Variants in PPFIA2 observed in about 807,000 individuals in gnomAD.
The protein encoded by PPFIA2 is PPFI scaffold protein A2.
PPFIA2 carries 46 observed loss-of-function variants against 175.5 expected under a neutral mutation model. The ratio of observed to expected loss-of-function variants is 0.26; its 90% confidence interval spans 0.21 to 0.34. The LOEUF is 0.34. Among genes scored for constraint, PPFIA2 ranks in the 10% least tolerant of loss-of-function variants. PPFIA2 has a pLI of 1.00. For synonymous variants in PPFIA2, 568 were observed against 511.4 expected, an observed-to-expected ratio of 1.11 and a Z score of -1.49; for missense variants, 1,179 against 1,506.1, an observed-to-expected ratio of 0.78 and a Z score of 3.60.
At chr12:81,388,094 AATG>A (rs1361789238) in intron 8 of PPFIA2, among the ~76,000 whole-genome samples, 2 of 152,300 alleles carry the variant, frequency 1.3e-5, no homozygotes, top group East Asian at 3.9e-4. Flanking sequence ...TCAGATATGG[AATG>A]ATATCTTCAA....
chr12:81,576,245 G>T (rs991519802), intron 4 of PPFIA2, among the ~76,000 whole-genome samples: 5 of 151,716 alleles, frequency 3.3e-5, no homozygotes, highest in African/African-American at 1.2e-4. Flanking sequence ...GATGTCTTGA[G>T]AAAATGACTT....
chr12:81,669,954 G>A (rs992641632), intron 4 of PPFIA2, among the ~76,000 whole-genome samples: 1 of 151,962 alleles, frequency 6.6e-6, no homozygotes, highest in Admixed American at 6.6e-5. Context: ...GGACAGATGA[G>A]AAAGAATGGT....
chr12:81,700,072 T>C (rs1042857493), intron 3 of PPFIA2, among the ~76,000 whole-genome samples: 2 of 152,042 alleles, frequency 1.3e-5, no homozygotes, highest in African/African-American at 2.4e-5. Flanking sequence ...TTTGTCTTCA[T>C]ACTGCTTCAT....
rs182089442 is a variant in PPFIA2, at chr12:81,359,722, A to C, written c.1638-1505T>G. Among the ~76,000 whole-genome samples, 392 of 152,002 alleles carry C rather than the reference A, an allele frequency of 2.6e-3. 1 individual carries two copies. Among genetic ancestry groups the C allele is most frequent in the African/African-American group, 9.1e-3 (378 of 41,538 alleles). ...TTACCTTAATGTCCCTTTAGGCATC[A>C]GGGTGAAGTTTCTAACATTATAACT... On this transcript the variant is annotated intron_variant, in intron 15 of 32. Coordinates refer to ENST00000549396, the MANE Select transcript of PPFIA2 (RefSeq NM_003625.5).
Position 81,642,702 on chromosome 12 carries a change from A to ATATATTATATACATACAT in PPFIA2, c.303+34088_303+34089insATGTATGTATATAATATA, listed in dbSNP as rs2065249953. 9.5e-4 allele frequency among the ~76,000 whole-genome samples: 7 copies of ATATATTATATACATACAT among 7,396 alleles called. 3 individuals are homozygous for ATATATTATATACATACAT. The highest frequency in any genetic ancestry group is 2.6e-3 in the Non-Finnish European group (7 of 2,684). The allele number at this position is 7,396 out of a possible 152,430, so 4.9% of individuals were successfully genotyped here. A position where few individuals can be genotyped will look rare whatever the true frequency, so the allele number is the denominator to read the frequency against. ...ATGTATCTATTATATACATACATGTATATGTATGTATGTATTATATACATA... is the reference window on the plus strand; with the variant it reads ...ATGTATCTATTATATACATACATGTATATATTATATACATACATTATGTATGTATGTATTATATACATA... On this transcript the variant is annotated intron_variant, in intron 4 of 32. Coordinates refer to ENST00000549396, the MANE Select transcript of PPFIA2 (RefSeq NM_003625.5).
intron 4 of PPFIA2, among the ~76,000 whole-genome samples, chr12:81,580,775 A>G (rs1055220519): frequency 2.0e-5 from 3 of 151,798 alleles, no homozygotes; most frequent in Non-Finnish European, 2.9e-5. Context: ...AGCTTGGTAC[A>G]ACATGTGCTT....
intron 4 of PPFIA2, among the ~76,000 whole-genome samples, chr12:81,633,495 C>G (rs1164459165): frequency 6.6e-6 from 1 of 151,680 alleles, no homozygotes; most frequent in East Asian, 1.9e-4. Flanking sequence ...ACCTGGGGAC[C>G]CAGGCAAGAC....
At chr12:81,268,132 CTTTTTTTTTTTT>C (rs746893824) in intron 28 of PPFIA2, 45 bp from the exon 29 acceptor site, 54 of 637,980 alleles carry the variant, frequency 8.5e-5, no homozygotes, top group East Asian at 2.6e-4. Flanking sequence ...ATTTTTCTTT[CTTTTTTTTTTTT>C]TTTTTTTTTT....
At position 81,694,351 on chromosome 12, in the gene PPFIA2, CACT is replaced by C. The variant is rs531743050; in HGVS notation, c.250-17510_250-17508del. On this transcript the variant is annotated intron_variant, in intron 3 of 32. Coordinates refer to ENST00000549396, the MANE Select transcript of PPFIA2 (RefSeq NM_003625.5). ...TTTCATGGGCCAGACCTGGGGCCAC[CACT>C]GTCCTGTGCAGCCTTCTTGGCATCC... 4.6e-3 allele frequency among the ~76,000 whole-genome samples: 693 copies of C among 152,264 alleles called. 4 individuals carry two copies. Among genetic ancestry groups the C allele is most frequent in the Admixed American group, 9.4e-3 (143 of 15,286 alleles).
At chr12:81,341,666 C>A (rs1459020841) in intron 19 of PPFIA2, among the ~76,000 whole-genome samples, 1 of 152,068 alleles carries the variant, frequency 6.6e-6, no homozygotes. Flanking sequence ...CCCAGGGAAG[C>A]CAAAAGATTA....
At chr12:81,714,205 G>A (rs2078298329) in intron 3 of PPFIA2, among the ~76,000 whole-genome samples, 1 of 151,086 alleles carries the variant, frequency 6.6e-6, no homozygotes, top group South Asian at 2.1e-4. Context: ...CATATAATAA[G>A]TAGATACATT....
chr12:81,357,792 G>A (rs543907858), intron 16 of PPFIA2, among the ~76,000 whole-genome samples: 2 of 152,136 alleles, frequency 1.3e-5, no homozygotes, highest in East Asian at 3.9e-4. Context: ...CCTGTGCAAT[G>A]TTGAACATTT....
chr12:81,363,596 G>T (rs1188272462), intron 14 of PPFIA2, among the ~76,000 whole-genome samples: 2 of 151,516 alleles, frequency 1.3e-5, no homozygotes, highest in Non-Finnish European at 3.0e-5. Context: ...CCTTCCCAGT[G>T]GCCAGTGCTT....
intron 5 of PPFIA2, among the ~76,000 whole-genome samples, chr12:81,451,157 G>A (rs938451736): frequency 6.6e-6 from 1 of 151,888 alleles, no homozygotes; most frequent in Admixed American, 6.6e-5. Context: ...ACGCATGCAT[G>A]TTTGTGTGTG....
chr12:81,563,761 T>C lies in PPFIA2; in HGVS notation c.304-105895A>G, dbSNP rs1363250220. On this transcript the variant is annotated intron_variant, in intron 4 of 32. Transcript: ENST00000549396. Reference sequence around the variant, plus strand: ...ACACTAGTCAGTCGTTATTCATTAATTTGTGTATTTAAAAGATATAAAGCC... The same window carrying C: ...ACACTAGTCAGTCGTTATTCATTAACTTGTGTATTTAAAAGATATAAAGCC... Among the ~76,000 whole-genome samples, 12 of 152,344 alleles carry C rather than the reference T, an allele frequency of 7.9e-5. No homozygotes were observed. In the East Asian group the frequency reaches 2.3e-3, roughly 29 times the overall value.
intron 4 of PPFIA2, among the ~76,000 whole-genome samples, chr12:81,611,631 C>T (rs1029317489): frequency 2.6e-5 from 4 of 152,120 alleles, no homozygotes; most frequent in Non-Finnish European, 5.9e-5. Flanking sequence ...GTTTGCAGAA[C>T]AGATGTGCCC....
At chr12:81,286,008 T>C (rs1476275134) in intron 24 of PPFIA2, among the ~76,000 whole-genome samples, 1 of 152,028 alleles carries the variant, frequency 6.6e-6, no homozygotes, top group Non-Finnish European at 1.5e-5. Context: ...AAGACAGTGA[T>C]ACTGATGGTC....
rs762253876 is a variant in PPFIA2, at chr12:81,676,863, TTGA to T, written c.250-22_250-20del. 2 of 1,569,880 alleles carry T rather than the reference TTGA, an allele frequency of 1.3e-6. No individual in the cohort carries two copies. Among genetic ancestry groups the T allele is most frequent in the African/African-American group, 2.8e-5 (2 of 72,682 alleles). The stretch of plus-strand genomic sequence containing the variant: ...CGATATCCTGAAAAGGGGAGAGGTG[TTGA>T]TTGTAAAGTGCTACTCAACAGCATG... On this transcript the variant is annotated intron_variant, in intron 3 of 32. Transcript: ENST00000549396.
At chr12:81,376,958 C>A (rs2036513829) in intron 9 of PPFIA2, among the ~76,000 whole-genome samples, 1 of 148,294 alleles carries the variant, frequency 6.7e-6, no homozygotes, top group African/African-American at 2.5e-5. Flanking sequence ...AATTTTCTTT[C>A]TTTTTTTTTT....
Sources: gnomAD v4.1 joint callset for allele counts (sites outside exome capture counted in the v4.1 genomes callset) on GRCh38, gnomAD v4.1.1 for gene constraint, MANE v1.5 for transcripts, NCBI Gene and HGNC (gene_info 2026-07-23, HGNC 2026-07-21) for gene names.